Variants in TRIM33 observed in about 807,000 individuals in gnomAD.
The protein encoded by TRIM33 is E3 ubiquitin-protein ligase TRIM33.
In TRIM33, 20 loss-of-function variants were observed where a neutral mutation model predicts 125.4. That is an observed-to-expected ratio of 0.16 (90% CI 0.11 to 0.23). TRIM33 has a LOEUF of 0.23. Ranked by LOEUF, TRIM33 falls within the 10% of genes least tolerant of loss-of-function variation. TRIM33 has a pLI of 1.00. For synonymous variants in TRIM33, 564 were observed against 513.9 expected, an observed-to-expected ratio of 1.10 and a Z score of -1.32; for missense variants, 920 against 1,411.4, an observed-to-expected ratio of 0.65 and a Z score of 5.58.
At chr1:114,436,725 A>G (rs999755382) in intron 4 of TRIM33, among the ~76,000 whole-genome samples, 1 of 152,082 alleles carries the variant, frequency 6.6e-6, no homozygotes, top group Non-Finnish European at 1.5e-5. Flanking sequence ...TCGACCTCCC[A>G]AAGTGCTGGG....
At chr1:114,437,767 C>T (rs565234613) in intron 4 of TRIM33, among the ~76,000 whole-genome samples, 3 of 152,274 alleles carry the variant, frequency 2.0e-5, no homozygotes, top group Admixed American at 6.5e-5. Context: ...ACTTTTTGTG[C>T]TTCTGGCTAG....
At chr1:114,508,734 C>T (rs1375085527) in intron 1 of TRIM33, among the ~76,000 whole-genome samples, 3 of 152,140 alleles carry the variant, frequency 2.0e-5, no homozygotes, top group African/African-American at 7.2e-5. Context: ...TACACTCCCC[C>T]CATCCCTCCA....
At chr1:114,487,981 G>A (rs1442787102) in intron 1 of TRIM33, among the ~76,000 whole-genome samples, 1 of 149,348 alleles carries the variant, frequency 6.7e-6, no homozygotes, top group African/African-American at 2.5e-5. Flanking sequence ...AATCATGTGA[G>A]AGCTTATAAA....
At chr1:114,447,446 A>C (rs1649052248) in intron 4 of TRIM33, among the ~76,000 whole-genome samples, 1 of 152,310 alleles carries the variant, frequency 6.6e-6, no homozygotes, top group South Asian at 2.1e-4. Context: ...CCAGTGAAAA[A>C]AGGTTTGGAG....
At chr1:114,419,269 C>T (rs1412446720) in intron 11 of TRIM33, among the ~76,000 whole-genome samples, 1 of 148,276 alleles carries the variant, frequency 6.7e-6, no homozygotes, top group African/African-American at 2.5e-5. Flanking sequence ...TCCTAAACTA[C>T]AAGCCTGCAA....
At chr1:114,461,994 T>A (rs1378572615) in intron 4 of TRIM33, among the ~76,000 whole-genome samples, 1 of 152,222 alleles carries the variant, frequency 6.6e-6, no homozygotes, top group African/African-American at 2.4e-5. Flanking sequence ...CTATATTCTC[T>A]ATACCCTATG....
intron 1 of TRIM33, 33 bp downstream of exon 1, chr1:114,510,518 C>G: frequency 4.2e-6 from 6 of 1,443,724 alleles, no homozygotes; most frequent in Non-Finnish European, 5.5e-6. Flanking sequence ...AAATCCCTTG[C>G]GGCCCAGATG....
In TRIM33 at chr1:114,427,886, T is replaced by C; in HGVS notation, c.1164A>G (p.Thr388=). The change falls in exon 7 of 20, where the codon ACA becomes ACG. Residue 388 remains threonine (T), a synonymous_variant. Transcript: ENST00000358465. The stretch of plus-strand genomic sequence containing the variant: ...GTAGTAACTTCATCTGTCTTTCCTT[T>C]GTAACATTCTGAAACAGAACAAGAG... ...KSLLQQLENV[T]KERQMKLLQQ... 5 of 1,614,040 alleles carry C rather than the reference T, an allele frequency of 3.1e-6. No individual in the cohort carries two copies. The highest frequency in any genetic ancestry group is 4.2e-6 in the Non-Finnish European group (5 of 1,179,972).
At chr1:114,453,100 A>G (rs1251391987) in intron 4 of TRIM33, among the ~76,000 whole-genome samples, 1 of 152,200 alleles carries the variant, frequency 6.6e-6, no homozygotes, top group Non-Finnish European at 1.5e-5. Context: ...ACAGTGGCTC[A>G]TGCCTGTAAT....
At chr1:114,447,796 CAT>C (rs1382022039) in intron 4 of TRIM33, among the ~76,000 whole-genome samples, 1 of 152,146 alleles carries the variant, frequency 6.6e-6, no homozygotes, top group African/African-American at 2.4e-5. Flanking sequence ...GAACATTAAA[CAT>C]GTGAAATACT....
intron 10 of TRIM33, 68 bp from the exon 11 acceptor site, chr1:114,421,704 T>C (rs1557855105): frequency 1.3e-6 from 2 of 1,486,812 alleles, no homozygotes; most frequent in South Asian, 1.2e-5. Context: ...TATACCTTTA[T>C]AATTTTTAGT....
Position 114,393,194 on chromosome 1 carries a change from A to G in TRIM33, c.*4454T>C. On this transcript the variant is annotated 3_prime_UTR_variant, in exon 20 of 20. Transcript: ENST00000358465. ...AGGAACTAGTAAGGCTGTGAATTTA[A>G]CCCTTTCGTGTGTAGGTATGTCTAC... 4.7e-6 allele frequency: 1 copy of G among 214,786 alleles called. No homozygotes were observed. The highest frequency in any genetic ancestry group is 2.3e-5 in the African/African-American group (1 of 44,424). 13.3% of individuals were successfully genotyped at this position (214,786 alleles called of 1,614,324 possible). A position where few individuals can be genotyped will look rare whatever the true frequency, so the allele number is the denominator to read the frequency against.
intron 4 of TRIM33, among the ~76,000 whole-genome samples, chr1:114,441,307 A>G (rs1251799349): frequency 6.6e-6 from 1 of 152,224 alleles, no homozygotes; most frequent in Non-Finnish European, 1.5e-5. Flanking sequence ...TTAAAAATAA[A>G]AAAGTATGTA....
chr1:114,419,750 A>G (rs115865025), intron 11 of TRIM33, among the ~76,000 whole-genome samples: 1 of 152,210 alleles, frequency 6.6e-6, no homozygotes, highest in Non-Finnish European at 1.5e-5. Context: ...AGTAAATTAC[A>G]GCTGCTCTTA....
intron 4 of TRIM33, among the ~76,000 whole-genome samples, chr1:114,441,739 G>T (rs1252554039): frequency 2.7e-5 from 4 of 149,566 alleles, no homozygotes; most frequent in East Asian, 2.1e-4. Flanking sequence ...TGCCAAATGG[G>T]TAACTTTTAT....
chr1:114,424,732 T>C lies in TRIM33; in HGVS notation c.1719A>G (p.Gln573=), dbSNP rs370502167. ...AGTTCATGTTGCCTCTTTGCATTGT[T>C]TGCACACTGATCAATCGAGGAGGCT... ...QQQPPRLISV[Q]TMQRGNMNCG... The change falls in exon 10 of 20, where the codon CAA becomes CAG. Residue 573 remains glutamine, a synonymous_variant. Transcript: ENST00000358465. 2.5e-6 allele frequency: 4 copies of C among 1,586,762 alleles called. No homozygotes were observed. In the African/African-American group the frequency reaches 4.0e-5, roughly 16 times the overall value.
chr1:114,489,503 C>T (rs1372318829), intron 1 of TRIM33, among the ~76,000 whole-genome samples: 1 of 151,960 alleles, frequency 6.6e-6, no homozygotes, highest in African/African-American at 2.4e-5. Context: ...AAGCACTTTA[C>T]GGGGCTGAAG....
At chr1:114,466,557 C>T (rs1650313608) in intron 1 of TRIM33, among the ~76,000 whole-genome samples, 1 of 152,112 alleles carries the variant, frequency 6.6e-6, no homozygotes, top group African/African-American at 2.4e-5. Flanking sequence ...GCACTGGTGT[C>T]CAAGTAGCTG....
chr1:114,504,758 G>A (rs922682424), intron 1 of TRIM33, among the ~76,000 whole-genome samples: 13 of 152,146 alleles, frequency 8.5e-5, no homozygotes, highest in African/African-American at 3.1e-4. Context: ...ACAAATACTA[G>A]ACATTATAAA....
Sources: gnomAD v4.1 joint callset for allele counts (sites outside exome capture counted in the v4.1 genomes callset) on GRCh38, gnomAD v4.1.1 for gene constraint, MANE v1.5 for transcripts, NCBI Gene and HGNC (gene_info 2026-07-23, HGNC 2026-07-21) for gene names.